RCC1: variants seen among roughly 807,000 people sequenced by gnomAD.
RCC1 encodes the protein regulator of chromosome condensation 1, also known as regulator of chromosome condensation.
A neutral mutation model predicts 44.4 loss-of-function variants in RCC1; 11 were observed. The observed-to-expected ratio is 0.25, with a 90% CI of 0.16 to 0.41. The LOEUF (loss-of-function observed/expected upper bound fraction) is 0.41. Ranked by LOEUF, RCC1 falls within the 10% of genes least tolerant of loss-of-function variation. The pLI, the probability that RCC1 is intolerant of heterozygous loss-of-function variation, is 1.00. For synonymous variants in RCC1, 213 were observed against 216.5 expected, an observed-to-expected ratio of 0.98 and a Z score of 0.14; for missense variants, 386 against 547.1, an observed-to-expected ratio of 0.71 and a Z score of 2.94.
Position 28,524,429 on chromosome 1 carries a change from C to A in RCC1, c.-9-5429C>A, listed in dbSNP as rs139370151. Among the ~76,000 whole-genome samples, 323 of 152,294 alleles carry A rather than the reference C, an allele frequency of 2.1e-3. 1 individual carries two copies. Among genetic ancestry groups the A allele is most frequent in the African/African-American group, 7.5e-3 (312 of 41,576 alleles). On this transcript the variant is annotated intron_variant, in intron 4 of 12. Coordinates refer to ENST00000683442, the MANE Select transcript of RCC1 (RefSeq NM_001381865.2). Reference sequence around the variant, plus strand: ...ACAAATCAAGCCAAGTGCTGTGGCACGTGCCCATGATCCCAGGCTCTTGGG... The same window carrying A: ...ACAAATCAAGCCAAGTGCTGTGGCAAGTGCCCATGATCCCAGGCTCTTGGG...
In RCC1 at chr1:28,535,091, G is replaced by A. The variant is rs769356283; in HGVS notation, c.483G>A (p.Lys161=). 2 of 1,614,166 alleles carry A rather than the reference G, an allele frequency of 1.2e-6. No homozygotes were observed. Among genetic ancestry groups the A allele is most frequent in the East Asian group, 4.5e-5 (2 of 44,888 alleles). ...TTGGACTGTTGGAGCCCATGAAGAA[G>A]AGCATGGTGCCTGTGCAGGTGCAGC... ...GVIGLLEPMK[K]SMVPVQVQLD... is the part of the protein sequence containing the mutation. Residue 161 remains lysine, a synonymous_variant, in exon 8 of 13, where the codon AAG becomes AAA. Coordinates refer to ENST00000683442, the MANE Select transcript of RCC1 (RefSeq NM_001381865.2).
chr1:28,525,153 G>C (rs1663560709), intron 4 of RCC1, among the ~76,000 whole-genome samples: 1 of 152,096 alleles, frequency 6.6e-6, no homozygotes, highest in South Asian at 2.1e-4. Flanking sequence ...TGCATGCACT[G>C]GTTATCAGAA....
chr1:28,508,353 T>C (rs1194685803), intron 2 of RCC1, 193 bp downstream of exon 2: 1 of 353,540 alleles, frequency 2.8e-6, no homozygotes. Context: ...CTTCAACATA[T>C]GCTCTGTTCT....
chr1:28,506,575 G>A, intron 1 of RCC1: 1 of 213,054 alleles, frequency 4.7e-6, no homozygotes, highest in Non-Finnish European at 9.7e-6. Flanking sequence ...TGGGCCAGAA[G>A]TGGGCCATGG....
At chr1:28,531,258 TC>T (rs1288271122) in intron 5 of RCC1, among the ~76,000 whole-genome samples, 3 of 139,142 alleles carry the variant, frequency 2.2e-5, no homozygotes, top group African/African-American at 5.4e-5. Context: ...AGCTTTCTTT[TC>T]TTTTTCTTTT....
intron 3 of RCC1, among the ~76,000 whole-genome samples, chr1:28,516,450 C>T (rs1020462125): frequency 2.0e-5 from 3 of 149,602 alleles, no homozygotes; most frequent in African/African-American, 4.9e-5. Flanking sequence ...TGCAGTGAGC[C>T]GAGATCGCAC....
intron 5 of RCC1, chr1:28,530,543 C>T (rs756991377): frequency 3.1e-6 from 5 of 1,605,316 alleles, no homozygotes; most frequent in African/African-American, 2.7e-5. Flanking sequence ...CGCTGCCTCC[C>T]GCCGCGTTCC....
At chr1:28,527,384 C>T (rs1026188785) in intron 4 of RCC1, among the ~76,000 whole-genome samples, 2 of 152,182 alleles carry the variant, frequency 1.3e-5, no homozygotes, top group African/African-American at 2.4e-5. Flanking sequence ...GGACTTCAGG[C>T]GTGCACCACC....
chr1:28,537,787 G>C (rs996695146), intron 12 of RCC1, 45 bp from the exon 13 acceptor site: 10 of 1,565,284 alleles, frequency 6.4e-6, no homozygotes, highest in African/African-American at 1.4e-5. Flanking sequence ...AGAAAGGTGG[G>C]CTGGGGATCC....
At chr1:28,525,007 G>C (rs1488959502) in intron 4 of RCC1, among the ~76,000 whole-genome samples, 1 of 152,056 alleles carries the variant, frequency 6.6e-6, no homozygotes, top group Non-Finnish European at 1.5e-5. Context: ...TGGGAGCTTT[G>C]GCAAGATTCA....
chr1:28,506,144 G>A, intron 1 of RCC1, 60 bp downstream of exon 1: 1 of 451,704 alleles, frequency 2.2e-6, no homozygotes, highest in Non-Finnish European at 4.4e-6. Context: ...TGGGTCTAAT[G>A]CTATAGATCA....
intron 5 of RCC1, chr1:28,530,636 C>T (rs1189017978): frequency 1.3e-6 from 2 of 1,582,092 alleles, no homozygotes; most frequent in Admixed American, 1.7e-5. Flanking sequence ...GCCCGGGGCG[C>T]CCTCTGTGCT....
chr1:28,535,743 TAA>T, intron 9 of RCC1, 126 bp from the exon 10 acceptor site: 1 of 1,041,832 alleles, frequency 9.6e-7, no homozygotes, highest in Non-Finnish European at 1.5e-6. Flanking sequence ...TCCTTTTCTA[TAA>T]AATAGGGATA....
chr1:28,518,122 G>A (rs1663005103), intron 4 of RCC1: 1 of 149,996 alleles, frequency 6.7e-6, no homozygotes, highest in Admixed American at 6.6e-5. Flanking sequence ...CCCCCAGCCC[G>A]GCCAAGGGCT....
Position 28,536,387 on chromosome 1 carries a change from G to A in RCC1, c.937+6G>A. 6.2e-7 allele frequency: 1 copy of A among 1,612,698 alleles called. No individual in the cohort carries two copies. Among genetic ancestry groups the A allele is most frequent in the South Asian group, 1.1e-5 (1 of 90,978 alleles). ...AGTCTGCATGGATTCGGAAGGTAGG[G>A]CCTTTACGTCCTTCTCTAGTTTGGG... On this transcript the variant is annotated splice_donor_region_variant and intron_variant, in intron 11 of 12. Coordinates refer to ENST00000683442, the MANE Select transcript of RCC1 (RefSeq NM_001381865.2). The surrounding 1 kb of genome is among the most constrained non-coding windows in gnomAD (Gnocchi z 4.9).
intron 3 of RCC1, among the ~76,000 whole-genome samples, chr1:28,515,194 A>G (rs1194067866): frequency 5.3e-5 from 8 of 151,132 alleles, no homozygotes; most frequent in South Asian, 2.1e-4. Flanking sequence ...GGAGGCTGAA[A>G]CAGGAGAATT....
At chr1:28,535,415 G>C in intron 9 of RCC1, 35 bp downstream of exon 9, 1 of 1,611,350 alleles carries the variant, frequency 6.2e-7, no homozygotes, top group African/African-American at 1.3e-5. Context: ...AGGGCAAATT[G>C]GCAGGCCACC....
intron 3 of RCC1, among the ~76,000 whole-genome samples, chr1:28,512,496 T>C (rs1662624118): frequency 6.6e-6 from 1 of 152,196 alleles, no homozygotes; most frequent in Non-Finnish European, 1.5e-5. Flanking sequence ...CTGTGTTCTT[T>C]TTTATTGATT....
At chr1:28,533,841 T>G (rs1460652425) in intron 7 of RCC1, among the ~76,000 whole-genome samples, 6 of 114,282 alleles carry the variant, frequency 5.3e-5, no homozygotes, top group African/African-American at 2.1e-4. Flanking sequence ...TTTTCTTTTC[T>G]TTTCTTTTTT....
Sources: gnomAD v4.1 joint callset for allele counts (sites outside exome capture counted in the v4.1 genomes callset) on GRCh38, gnomAD v4.1.1 for gene constraint, Gnocchi (gnomAD v3.1) non-coding constraint, MANE v1.5 for transcripts, NCBI Gene and HGNC (gene_info 2026-07-23, HGNC 2026-07-21) for gene names.